Variants in UNC13C observed in about 807,000 individuals in gnomAD.
UNC13C encodes the protein unc-13 homolog C, also known as protein unc-13 homolog C.
Under a neutral mutation model 245.4 loss-of-function variants are expected in UNC13C, and 174 were observed. That is an observed-to-expected ratio of 0.71 (90% CI 0.63 to 0.80). UNC13C has a LOEUF of 0.80. Ranked by LOEUF, UNC13C falls within the 30% of genes least tolerant of loss-of-function variation. The probability of loss-of-function intolerance (pLI) is 0.00; values close to 1 mark genes in which losing one functional copy is unlikely to be tolerated. For missense variants in UNC13C, 2,829 were observed against 2,602.9 expected (o/e 1.09, Z -1.89); for synonymous variants, 992 against 895.1 (o/e 1.11, Z -1.93).
intron 2 of UNC13C, among the ~76,000 whole-genome samples, chr15:54,119,257 G>A (rs1396047299): frequency 6.6e-6 from 1 of 151,922 alleles, no homozygotes; most frequent in African/African-American, 2.4e-5. Flanking sequence ...TTGAGCAAGT[G>A]GTTAGGCAAC....
At chr15:54,150,942 A>G (rs2032486703) in intron 4 of UNC13C, among the ~76,000 whole-genome samples, 1 of 152,198 alleles carries the variant, frequency 6.6e-6, no homozygotes, top group Non-Finnish European at 1.5e-5. Context: ...AATAATCATA[A>G]AACTGACTCA....
chr15:54,339,640 G>GATATAT lies in UNC13C; in HGVS notation c.4713+1170_4713+1175dup, dbSNP rs61353129. Among the ~76,000 whole-genome samples, 24 of 149,692 alleles carry GATATAT rather than the reference G, an allele frequency of 1.6e-4. No individual in the cohort carries two copies. The East Asian group carries it at 2.0e-3, about 12-fold the overall frequency. On this transcript the variant is annotated intron_variant, in intron 17 of 32. Coordinates refer to ENST00000260323, the MANE Select transcript of UNC13C (RefSeq NM_001080534.3). ...GAATAGTAGTATTCCATTATGTGGA[G>GATATAT]ATATATATATATATATATATATATC...
chr15:54,203,066 A>T (rs941790993), intron 4 of UNC13C, among the ~76,000 whole-genome samples: 5 of 152,024 alleles, frequency 3.3e-5, no homozygotes, highest in African/African-American at 1.2e-4. Context: ...GCCAACAAGC[A>T]TATGGAAAGA....
At chr15:53,881,980 G>C in the UNC13C span, among the ~76,000 whole-genome samples, 5 of 152,108 alleles carry the variant, frequency 3.3e-5, no homozygotes, top group Admixed American at 6.6e-5. Context: ...AGAAAAGAAA[G>C]GCCAGAAACA....
intron 13 of UNC13C, among the ~76,000 whole-genome samples, chr15:54,314,380 A>G (rs1209095777): frequency 1.3e-5 from 2 of 151,832 alleles, no homozygotes; most frequent in East Asian, 1.9e-4. Flanking sequence ...TATTGTATAC[A>G]TATTTCAAAC....
chr15:53,944,419 C>G, the UNC13C span, among the ~76,000 whole-genome samples: 2 of 152,022 alleles, frequency 1.3e-5, no homozygotes, highest in African/African-American at 4.8e-5. Context: ...GCCTTCCATC[C>G]TCAAGGAGGC....
chr15:54,089,920 A>G (rs1032370187), intron 2 of UNC13C, among the ~76,000 whole-genome samples: 18 of 152,076 alleles, frequency 1.2e-4, no homozygotes, highest in African/African-American at 3.9e-4. Flanking sequence ...AGGACTTCCA[A>G]TGTGCTGCTT....
At chr15:54,356,005 C>T (rs28402203) in intron 17 of UNC13C, among the ~76,000 whole-genome samples, 71,167 of 152,000 alleles carry the variant, frequency 0.47, 17,022 homozygotes, top group East Asian at 0.74. Flanking sequence ...CTCTACTGCT[C>T]TGTGCTTCAT....
chr15:53,996,832 G>GTTTTT lies in UNC13C; in HGVS notation c.-256-15809_-256-15805dup, dbSNP rs61341886. Among the ~76,000 whole-genome samples, 39 of 143,536 alleles carry GTTTTT rather than the reference G, an allele frequency of 2.7e-4. 1 individual carries two copies. The highest frequency in any genetic ancestry group is 5.6e-4 in the Non-Finnish European group (37 of 65,644). The allele number at this position is 143,536 out of a possible 152,430, so 94.2% of individuals were successfully genotyped here. A position where few individuals can be genotyped will look rare whatever the true frequency, so the allele number is the denominator to read the frequency against. ...ATTTGTATATTCATTCTCCTGATGGGTTTTTTTTTTTCATTTTTTGGCTAT... is the reference window on the plus strand; with the variant it reads ...ATTTGTATATTCATTCTCCTGATGGGTTTTTTTTTTTTTTTTCATTTTTTGGCTAT... On this transcript the variant is annotated intron_variant, in intron 1 of 32. Coordinates refer to ENST00000260323, the MANE Select transcript of UNC13C (RefSeq NM_001080534.3).
At chr15:54,534,124 A>G (rs1895885204) in intron 26 of UNC13C, among the ~76,000 whole-genome samples, 1 of 152,216 alleles carries the variant, frequency 6.6e-6, no homozygotes, top group African/African-American at 2.4e-5. Context: ...CATCGCTGCC[A>G]CCAGCCATTG....
At chr15:53,923,046 T>C in the UNC13C span, among the ~76,000 whole-genome samples, 1 of 152,188 alleles carries the variant, frequency 6.6e-6, no homozygotes, top group East Asian at 1.9e-4. Flanking sequence ...AGACCTCCCA[T>C]GGGAATTAAT....
intron 19 of UNC13C, among the ~76,000 whole-genome samples, chr15:54,425,211 A>C (rs768225932): frequency 3.3e-4 from 50 of 151,944 alleles, no homozygotes; most frequent in Non-Finnish European, 6.3e-4. Flanking sequence ...GTGAGTAAAA[A>C]CTCACAATTC....
At chr15:54,409,395 G>A (rs1316464785) in intron 18 of UNC13C, among the ~76,000 whole-genome samples, 1 of 151,896 alleles carries the variant, frequency 6.6e-6, no homozygotes, top group East Asian at 1.9e-4. Flanking sequence ...TTTTATGTGA[G>A]GTTCAGTGGG....
At position 54,338,481 on chromosome 15, in the gene UNC13C, A is replaced by G; in HGVS notation, c.4705A>G (p.Thr1569Ala). 3 of 1,612,976 alleles carry G rather than the reference A, an allele frequency of 1.9e-6. No homozygotes were observed. In the East Asian group the frequency reaches 6.7e-5, roughly 36 times the overall value. ...DNCHELYSQL[T>A]DPSKKQDIPR... ...CTGCCATGAACTCTACTCCCAGCTA[A>G]CAGACCCGGTAAGAAAATATGTATG... is the stretch of plus-strand genomic sequence containing the variant. The change falls in exon 17 of 33, where the codon ACA becomes GCA. Residue 1569 changes from threonine to alanine, a missense_variant. Physicochemically the swap from Thr to Ala is moderately conservative, Grantham distance 58. Transcript: ENST00000260323.
intron 13 of UNC13C, among the ~76,000 whole-genome samples, chr15:54,312,477 A>G (rs1271496715): frequency 6.6e-6 from 1 of 151,760 alleles, no homozygotes; most frequent in Non-Finnish European, 1.5e-5. Flanking sequence ...CTTTTTCTGA[A>G]CAATGTAAAC....
rs184102692 is a variant in UNC13C, at chr15:54,023,676, A to C, written c.2983+7790A>C. ...GTTGCAGAGTTCATAAACACAGTTAAGTTATGTTATAACTATTAAATGGCT... is the reference window on the plus strand; with the variant it reads ...GTTGCAGAGTTCATAAACACAGTTACGTTATGTTATAACTATTAAATGGCT... On this transcript the variant is annotated intron_variant, in intron 2 of 32. Coordinates refer to ENST00000260323, the MANE Select transcript of UNC13C (RefSeq NM_001080534.3). 2.8e-3 allele frequency among the ~76,000 whole-genome samples: 432 copies of C among 152,352 alleles called. 1 individual carries two copies. The highest frequency in any genetic ancestry group is 3.3e-3 in the Non-Finnish European group (225 of 68,036).
chr15:54,495,675 A>T (rs529780866), intron 20 of UNC13C, among the ~76,000 whole-genome samples: 4 of 152,054 alleles, frequency 2.6e-5, no homozygotes, highest in Admixed American at 6.6e-5. Flanking sequence ...GTAATATTTT[A>T]AAAAAATAAT....
At chr15:54,026,541 T>C (rs1411595579) in intron 2 of UNC13C, among the ~76,000 whole-genome samples, 1 of 152,246 alleles carries the variant, frequency 6.6e-6, no homozygotes, top group African/African-American at 2.4e-5. Flanking sequence ...TGGAGTCATT[T>C]ATTAAAGACA....
chr15:53,922,389 A>C, the UNC13C span, among the ~76,000 whole-genome samples: 1 of 152,246 alleles, frequency 6.6e-6, no homozygotes, highest in Non-Finnish European at 1.5e-5. Flanking sequence ...AGACTTACAA[A>C]TGAATGGCCA....
Sources: gnomAD v4.1 joint callset for allele counts (sites outside exome capture counted in the v4.1 genomes callset) on GRCh38, gnomAD v4.1.1 for gene constraint, MANE v1.5 for transcripts, NCBI Gene and HGNC (gene_info 2026-07-23, HGNC 2026-07-21) for gene names.